Variants in JOSD1 observed in about 807,000 individuals in gnomAD.
The protein encoded by JOSD1 is Josephin domain containing 1, also known as josephin-1.
A neutral mutation model predicts 24.3 loss-of-function variants in JOSD1; 11 were observed. The observed-to-expected ratio is 0.45, with a 90% CI of 0.29 to 0.75. The LOEUF (loss-of-function observed/expected upper bound fraction) is 0.75. JOSD1 is among the 30% of genes least tolerant of loss of function. The pLI is 0.11. For missense variants in JOSD1, 184 were observed against 253.5 expected (o/e 0.73, Z 1.86); for synonymous variants, 106 against 93.8 (o/e 1.13, Z -0.75).
At chr22:38,698,881 C>A (rs533626288) in intron 2 of JOSD1, among the ~76,000 whole-genome samples, 1 of 152,154 alleles carries the variant, frequency 6.6e-6, no homozygotes, top group Non-Finnish European at 1.5e-5. Flanking sequence ...CTCAGCCTCC[C>A]GACTAGCTGG....
intron 2 of JOSD1, among the ~76,000 whole-genome samples, chr22:38,694,977 T>C (rs1014355816): frequency 6.6e-6 from 1 of 152,038 alleles, no homozygotes; most frequent in Non-Finnish European, 1.5e-5. Context: ...TGTGTCTGAC[T>C]ATGGTGATGA....
At position 38,700,811 on chromosome 22, in the gene JOSD1, T is replaced by C. The variant is rs2145822870; in HGVS notation, c.-643A>G. 2.0e-6 allele frequency: 2 copies of C among 984,628 alleles called. No homozygotes were observed. Among genetic ancestry groups the C allele is most frequent in the South Asian group, 4.7e-5 (1 of 21,280 alleles). The allele number at this position is 984,628 out of a possible 1,614,324, so 61.0% of individuals were successfully genotyped here. A position where few individuals can be genotyped will look rare whatever the true frequency, so the allele number is the denominator to read the frequency against. On this transcript the variant is annotated 5_prime_UTR_variant, in exon 1 of 5. Coordinates refer to ENST00000683374, the MANE Select transcript of JOSD1 (RefSeq NM_001360236.2). ...GCCCCTACACAAACCTCCCCGCCCG[T>C]CACGTGAGCGCAGGCCCAGACGCCC...
At position 38,697,073 on chromosome 22, in the gene JOSD1, T is replaced by G. The variant is rs144394856; in HGVS notation, c.185+2730A>C. Among the ~76,000 whole-genome samples, 672 of 152,348 alleles carry G rather than the reference T, an allele frequency of 4.4e-3. 8 individuals are homozygous for G. Among genetic ancestry groups the G allele is most frequent in the African/African-American group, 0.015 (630 of 41,578 alleles). On this transcript the variant is annotated intron_variant, in intron 2 of 4. Transcript: ENST00000683374. ...ACTTAAATCTAGTCTCAAGGCCTGG[T>G]TAAAGCATAGCTGAGATGTGCTTCT...
Position 38,687,865 on chromosome 22 carries a change from GA to G in JOSD1, c.*36del, listed in dbSNP as rs2092504696. 5 of 1,411,532 alleles carry G rather than the reference GA, an allele frequency of 3.5e-6. No homozygotes were observed. Among genetic ancestry groups the G allele is most frequent in the Non-Finnish European group, 5.0e-6 (5 of 995,390 alleles). The allele number at this position is 1,411,532 out of a possible 1,614,324, so 87.4% of individuals were successfully genotyped here. ...AGGCCACAGCACGTCACAGAGGACT[GA>G]AGGGGCTGAGGCGAGAGGGAGGTTG... is the stretch of plus-strand genomic sequence containing the variant. On this transcript the variant is annotated 3_prime_UTR_variant, in exon 5 of 5. Transcript: ENST00000683374.
intron 4 of JOSD1, 130 bp from the exon 5 acceptor site, chr22:38,688,131 T>C: frequency 1.5e-6 from 1 of 657,918 alleles, no homozygotes; most frequent in Non-Finnish European, 2.7e-6. Context: ...CATCTGGTTT[T>C]GGAGGGTTCC....
At chr22:38,699,727 T>C (rs1205034016) in intron 2 of JOSD1, 76 bp downstream of exon 2, 7 of 1,386,386 alleles carry the variant, frequency 5.0e-6, no homozygotes, top group Non-Finnish European at 7.2e-6. Flanking sequence ...TGAAGGTTTA[T>C]GAAGCTGAGA....
Position 38,700,912 on chromosome 22 carries a change from G to A in JOSD1, c.-744C>T, listed in dbSNP as rs906010514. On this transcript the variant is annotated 5_prime_UTR_variant, in exon 1 of 5. Transcript: ENST00000683374. Reference sequence around the variant, plus strand: ...GCTGGCGGTCCCCTCACCGCAGCCGGCCGCCACCTGGAGTGCGCGCCGCCA... The same window carrying A: ...GCTGGCGGTCCCCTCACCGCAGCCGACCGCCACCTGGAGTGCGCGCCGCCA... The A allele has an allele frequency of 4.1e-6, 4 of 984,464 alleles. No homozygotes were observed. Among genetic ancestry groups the A allele is most frequent in the African/African-American group, 1.8e-5 (1 of 57,142 alleles). 61.0% of individuals were successfully genotyped at this position (984,464 alleles called of 1,614,324 possible). A position where few individuals can be genotyped will look rare whatever the true frequency, so the allele number is the denominator to read the frequency against.
chr22:38,690,552 G>A (rs1297807032), intron 2 of JOSD1, among the ~76,000 whole-genome samples: 2 of 151,834 alleles, frequency 1.3e-5, no homozygotes, highest in Admixed American at 6.6e-5. Context: ...ACAGGCACCC[G>A]CCACCACGCC....
At chr22:38,697,169 A>T (rs994919843) in intron 2 of JOSD1, among the ~76,000 whole-genome samples, 2 of 152,214 alleles carry the variant, frequency 1.3e-5, no homozygotes, top group African/African-American at 4.8e-5. Context: ...GCAGGCAGCT[A>T]GTCAATGTTT....
At position 38,700,125 on chromosome 22, in the gene JOSD1, T is replaced by C; in HGVS notation, c.-138A>G. On this transcript the variant is annotated 5_prime_UTR_variant, in exon 2 of 5. Coordinates refer to ENST00000683374, the MANE Select transcript of JOSD1 (RefSeq NM_001360236.2). ...GTGTCCATGATTTATGCTTTGTCAC[T>C]GGGAGAAAAGATTGGAATCAAAAGG... 7.3e-7 allele frequency: 1 copy of C among 1,366,808 alleles called. No homozygotes were observed. The highest frequency in any genetic ancestry group is 2.0e-5 in the South Asian group (1 of 50,850). The allele number at this position is 1,366,808 out of a possible 1,614,324, so 84.7% of individuals were successfully genotyped here.
rs762822780 is a variant in JOSD1, at chr22:38,700,001, G to A, written c.-14C>T. The A allele has an allele frequency of 5.1e-6, 8 of 1,580,646 alleles. No homozygotes were observed. In the Middle Eastern group the frequency reaches 5.1e-4, roughly 100 times the overall value. ...CACACAACTCATGTTTTTTGTTTTA[G>A]GTTCCAGAGATGGCTATAAACACCC... On this transcript the variant is annotated 5_prime_UTR_variant, in exon 2 of 5. Transcript: ENST00000683374.
rs934638950 is a variant in JOSD1 at position 38,688,005 on chromosome 22, T to C, written c.510-4A>G. 5.6e-6 allele frequency: 9 copies of C among 1,605,058 alleles called. No individual in the cohort carries two copies. The East Asian group carries it at 8.9e-5, about 16-fold the overall frequency. ...CAAATGATGTTTTAGAAACTTCCTATGGAAAAAGAGATAGAGAAAATGAAA... is the reference window on the plus strand; with the variant it reads ...CAAATGATGTTTTAGAAACTTCCTACGGAAAAAGAGATAGAGAAAATGAAA... On this transcript the variant is annotated splice_region_variant and splice_polypyrimidine_tract_variant and intron_variant, in intron 4 of 4. Coordinates refer to ENST00000683374, the MANE Select transcript of JOSD1 (RefSeq NM_001360236.2).
At position 38,686,533 on chromosome 22, in the gene JOSD1, G is replaced by T. The variant is rs977521490; in HGVS notation, c.*1369C>A. On this transcript the variant is annotated 3_prime_UTR_variant, in exon 5 of 5. Transcript: ENST00000683374. Reference sequence around the variant, plus strand: ...TATTTCTCCTCTTTTGTTTTCCAAAGTTACAAGAGAAAAGTGGCCTACAAC... The same window carrying T: ...TATTTCTCCTCTTTTGTTTTCCAAATTTACAAGAGAAAAGTGGCCTACAAC... 1 of 152,208 alleles carries T rather than the reference G, an allele frequency of 6.6e-6. No homozygotes were observed. Among genetic ancestry groups the T allele is most frequent in the Non-Finnish European group, 1.5e-5 (1 of 68,050 alleles). 9.4% of individuals were successfully genotyped at this position (152,208 alleles called of 1,614,324 possible).
chr22:38,696,618 C>A (rs1034985538), intron 2 of JOSD1, among the ~76,000 whole-genome samples: 5 of 152,178 alleles, frequency 3.3e-5, no homozygotes, highest in African/African-American at 1.2e-4. Flanking sequence ...CCCAGTTTAT[C>A]TTTTCTCCAA....
intron 2 of JOSD1, among the ~76,000 whole-genome samples, chr22:38,692,781 C>CAAAAAAAAAAAAA (rs61214432): frequency 1.1e-3 from 51 of 44,908 alleles, no homozygotes; most frequent in Middle Eastern, 0.015. Flanking sequence ...AACTCTGTCT[C>CAAAAAAAAAAAAA]AAAAAAAAAA....
At position 38,688,927 on chromosome 22, in the gene JOSD1, C is replaced by A; in HGVS notation, c.509+8G>T. The stretch of plus-strand genomic sequence containing the variant: ...CCTAGCAACTTAGTCACAAAAGGTG[C>A]CGATTACCTGAGCTCGCTCTCGCCT... On this transcript the variant is annotated splice_region_variant and intron_variant, in intron 4 of 4. Coordinates refer to ENST00000683374, the MANE Select transcript of JOSD1 (RefSeq NM_001360236.2). The A allele has an allele frequency of 6.2e-7, 1 of 1,608,306 alleles. No homozygotes were observed. The highest frequency in any genetic ancestry group is 8.5e-7 in the Non-Finnish European group (1 of 1,176,122).
At chr22:38,691,665 G>A (rs533532370) in intron 2 of JOSD1, among the ~76,000 whole-genome samples, 1 of 152,242 alleles carries the variant, frequency 6.6e-6, no homozygotes, top group Non-Finnish European at 1.5e-5. Flanking sequence ...GCCATAGAGA[G>A]GCCTTTTCTT....
At chr22:38,697,554 C>T (rs956733092) in intron 2 of JOSD1, among the ~76,000 whole-genome samples, 5 of 152,244 alleles carry the variant, frequency 3.3e-5, no homozygotes, top group African/African-American at 9.6e-5. Flanking sequence ...CAGTCCAGAA[C>T]GTCAGTGCTG....
chr22:38,694,383 AC>A (rs2092535861), intron 2 of JOSD1, among the ~76,000 whole-genome samples: 1 of 152,128 alleles, frequency 6.6e-6, no homozygotes, highest in Admixed American at 6.5e-5. Flanking sequence ...ATTTCAACAC[AC>A]CAGTCCCACT....
Sources: allele counts gnomAD v4.1 joint callset (sites outside exome capture counted in the v4.1 genomes callset), GRCh38; gene constraint gnomAD v4.1.1; transcripts MANE v1.5; gene names NCBI Gene and HGNC (gene_info 2026-07-23, HGNC 2026-07-21).